CUX2: variants seen among roughly 807,000 people sequenced by gnomAD.
CUX2 encodes homeobox protein cut-like 2.
CUX2 carries 40 observed loss-of-function variants against 144.8 expected under a neutral mutation model. The ratio of observed to expected loss-of-function variants is 0.28; its 90% CI spans 0.21 to 0.36. The LOEUF is 0.36. Ranked by LOEUF, CUX2 falls within the 10% of genes least tolerant of loss-of-function variation. CUX2 has a pLI of 1.00. For missense variants in CUX2, 1,615 were observed against 1,994.0 expected (o/e 0.81, Z 3.62); for synonymous variants, 827 against 875.6 (o/e 0.94, Z 0.98).
intron 1 of CUX2, among the ~76,000 whole-genome samples, chr12:111,062,401 T>C (rs76688223): frequency 0.045 from 6,860 of 152,248 alleles, 535 homozygotes; most frequent in African/African-American, 0.16. Context: ...GATAAAATGA[T>C]GTCATGTAAA....
intron 1 of CUX2, among the ~76,000 whole-genome samples, chr12:111,212,976 G>T (rs10744769): frequency 0.35 from 54,009 of 152,138 alleles, 11,988 homozygotes; most frequent in East Asian, 0.64. Context: ...GTGTGCAAGA[G>T]GAATGTGTAT....
intron 1 of CUX2, among the ~76,000 whole-genome samples, chr12:111,036,808 C>T (rs1433255193): frequency 1.3e-5 from 2 of 152,056 alleles, no homozygotes; most frequent in South Asian, 2.1e-4. Flanking sequence ...GCCGTGGCCG[C>T]GTGCAAACAT....
chr12:111,137,378 CGTT>C (rs977004813), intron 1 of CUX2, among the ~76,000 whole-genome samples: 30 of 148,580 alleles, frequency 2.0e-4, no homozygotes, highest in African/African-American at 7.6e-4. Flanking sequence ...TTGATGTTGT[CGTT>C]GTTGTTGATG....
intron 20 of CUX2, among the ~76,000 whole-genome samples, chr12:111,339,306 CA>C (rs1238128661): frequency 3.3e-5 from 5 of 152,094 alleles, no homozygotes; most frequent in African/African-American, 1.2e-4. Context: ...GAAGCTACAC[CA>C]AAGTCTGTTG....
chr12:111,291,658 G>T, intron 5 of CUX2, 106 bp downstream of exon 5: 1 of 1,332,128 alleles, frequency 7.5e-7, no homozygotes, highest in Non-Finnish European at 9.9e-7. Context: ...GCAGGGAACT[G>T]GGCAGGTGAA....
At chr12:111,225,832 CTG>C (rs1048001076) in intron 3 of CUX2, among the ~76,000 whole-genome samples, 62 of 152,348 alleles carry the variant, frequency 4.1e-4, no homozygotes, top group African/African-American at 1.5e-3. Context: ...GAGCCCAAGT[CTG>C]TGTATCCAGC....
chr12:111,203,866 G>C (rs1448986220), intron 1 of CUX2, among the ~76,000 whole-genome samples: 1 of 152,222 alleles, frequency 6.6e-6, no homozygotes, highest in East Asian at 1.9e-4. Flanking sequence ...ACAGTAGAGA[G>C]GAGGAGAAAT....
chr12:111,165,635 G>A (rs999581118), intron 1 of CUX2, among the ~76,000 whole-genome samples: 1 of 152,158 alleles, frequency 6.6e-6, no homozygotes, highest in African/African-American at 2.4e-5. Flanking sequence ...CAAAATGGGG[G>A]TAAAAATAGC....
intron 1 of CUX2, among the ~76,000 whole-genome samples, chr12:111,139,173 G>A (rs1876129082): frequency 6.6e-6 from 1 of 151,992 alleles, no homozygotes; most frequent in Non-Finnish European, 1.5e-5. Context: ...TCACTCTTTG[G>A]GATGGTCTAC....
chr12:111,166,838 C>G (rs1484583222), intron 1 of CUX2, among the ~76,000 whole-genome samples: 1 of 152,196 alleles, frequency 6.6e-6, no homozygotes, highest in Non-Finnish European at 1.5e-5. Context: ...GTCCAACTTT[C>G]TGGGACGCGT....
intron 1 of CUX2, among the ~76,000 whole-genome samples, chr12:111,202,334 G>A (rs916617695): frequency 3.9e-5 from 6 of 152,140 alleles, no homozygotes; most frequent in African/African-American, 1.2e-4. Flanking sequence ...CGAGAACTCC[G>A]GAATATAAAT....
intron 4 of CUX2, among the ~76,000 whole-genome samples, chr12:111,265,566 C>T (rs1241343249): frequency 6.6e-6 from 1 of 151,986 alleles, no homozygotes; most frequent in Non-Finnish European, 1.5e-5. Context: ...TGGTCTCAAA[C>T]TCCTGGCCTC....
chr12:111,343,687 A>G (rs1888675647), intron 21 of CUX2, among the ~76,000 whole-genome samples: 1 of 152,180 alleles, frequency 6.6e-6, no homozygotes, highest in Non-Finnish European at 1.5e-5. Flanking sequence ...CCCTTATTTT[A>G]CAGATGAGGA....
chr12:111,300,803 C>A (rs149917494), intron 9 of CUX2, among the ~76,000 whole-genome samples: 2 of 152,182 alleles, frequency 1.3e-5, no homozygotes, highest in East Asian at 3.9e-4. Context: ...TCTGGGAGGC[C>A]GAGGTGGGAT....
At chr12:111,239,592 G>C (rs892610579) in intron 3 of CUX2, among the ~76,000 whole-genome samples, 7 of 152,196 alleles carry the variant, frequency 4.6e-5, no homozygotes, top group Non-Finnish European at 5.9e-5. Context: ...TGGCATTTAA[G>C]CAAAGTTTAT....
At chr12:111,120,070 T>G (rs1190194936) in intron 1 of CUX2, among the ~76,000 whole-genome samples, 2 of 152,048 alleles carry the variant, frequency 1.3e-5, no homozygotes, top group Admixed American at 1.3e-4. Flanking sequence ...AAAAAAAAAT[T>G]TTTTTTAAAC....
chr12:111,309,997 G>A (rs1402105385), intron 14 of CUX2, 44 bp from the exon 15 acceptor site: 16 of 1,253,596 alleles, frequency 1.3e-5, no homozygotes, highest in South Asian at 7.2e-5. Context: ...CCTCATCATC[G>A]TCTTCCCCGT....
chr12:111,083,969 C>T (rs1406881736), intron 1 of CUX2, among the ~76,000 whole-genome samples: 1 of 152,104 alleles, frequency 6.6e-6, no homozygotes. Context: ...GCCATCTCCT[C>T]GAGTACCAGG....
rs554120614 is a variant in CUX2, at chr12:111,155,470, A to G, written c.64-58730A>G. 4.2e-4 allele frequency among the ~76,000 whole-genome samples: 64 copies of G among 152,352 alleles called. 3 individuals are homozygous for G. In the South Asian group the frequency reaches 0.013, roughly 32 times the overall value. On this transcript the variant is annotated intron_variant, in intron 1 of 21. Coordinates refer to ENST00000261726, the MANE Select transcript of CUX2 (RefSeq NM_015267.4). ...GTCCCATTGCTGATGCCATCAAACA[A>G]CATGCTTAGTTTAAAAATCCAAACA... is the stretch of plus-strand genomic sequence containing the variant.
Sources: allele counts gnomAD v4.1 joint callset (sites outside exome capture counted in the v4.1 genomes callset), GRCh38; gene constraint gnomAD v4.1.1; transcripts MANE v1.5; gene names NCBI Gene and HGNC (gene_info 2026-07-23, HGNC 2026-07-21).